The following FBXL17 variants were observed in gnomAD, a reference collection of about 807,000 sequenced individuals.
The protein encoded by FBXL17 is F-box and leucine rich repeat protein 17, also known as F-box/LRR-repeat protein 17.
FBXL17 carries 22 observed loss-of-function variants against 66.2 expected under a neutral mutation model. That is an observed-to-expected ratio of 0.33 (90% confidence interval 0.24 to 0.47). FBXL17 has a LOEUF of 0.47. FBXL17 is among the 20% of genes least tolerant of loss of function. FBXL17 has a pLI of 1.00. For synonymous variants in FBXL17, 474 were observed against 400.5 expected (o/e 1.18, Z -2.19); for missense variants, 878 against 948.2 (o/e 0.93, Z 0.97).
chr5:108,368,130 C>T (rs1748791955), intron 1 of FBXL17, among the ~76,000 whole-genome samples, 177 bp from the exon 2 acceptor site: 2 of 151,752 alleles, frequency 1.3e-5, no homozygotes, highest in South Asian at 4.2e-4. Flanking sequence ...GATACAGGAG[C>T]TAAAAACGGA....
intron 4 of FBXL17, among the ~76,000 whole-genome samples, chr5:108,267,884 T>C (rs1044622236): frequency 6.6e-6 from 1 of 152,096 alleles, no homozygotes; most frequent in African/African-American, 2.4e-5. Context: ...GAAAAACCAA[T>C]GTTCACGCCT....
In FBXL17 at chr5:107,943,206, G is replaced by A. The variant is rs116592092; in HGVS notation, c.1823-62027C>T. 4.1e-3 allele frequency among the ~76,000 whole-genome samples: 626 copies of A among 152,208 alleles called. 5 individuals carry two copies. The highest frequency in any genetic ancestry group is 0.015 in the African/African-American group (603 of 41,538). ...CACTTTGAGTCCCAGACTCTCCTAA[G>A]CTTTAGAGACATAAGTGCAATAAAC... On this transcript the variant is annotated intron_variant, in intron 7 of 8. Transcript: ENST00000542267.
At chr5:108,061,444 C>T (rs917220715) in intron 6 of FBXL17, among the ~76,000 whole-genome samples, 18 of 152,120 alleles carry the variant, frequency 1.2e-4, no homozygotes, top group African/African-American at 3.9e-4. Context: ...AGGCTCATTT[C>T]CAGAACCAGC....
chr5:108,288,207 C>A (rs1328263223), intron 4 of FBXL17, among the ~76,000 whole-genome samples: 1 of 151,534 alleles, frequency 6.6e-6, no homozygotes, highest in Non-Finnish European at 1.5e-5. Flanking sequence ...TACAGCAAAC[C>A]CCCACAACAT....
intron 6 of FBXL17, among the ~76,000 whole-genome samples, chr5:108,174,593 C>A (rs1215607500): frequency 6.6e-6 from 1 of 152,006 alleles, no homozygotes; most frequent in East Asian, 1.9e-4. Context: ...CTAATGTGAA[C>A]CTGGCCTTAA....
At chr5:107,984,924 T>C (rs561989782) in intron 7 of FBXL17, among the ~76,000 whole-genome samples, 7 of 152,306 alleles carry the variant, frequency 4.6e-5, no homozygotes, top group Non-Finnish European at 8.8e-5. Context: ...TGTGTATACT[T>C]TTCTAGAGTG....
chr5:107,868,614 A>G (rs552474416), intron 8 of FBXL17, among the ~76,000 whole-genome samples: 44 of 152,350 alleles, frequency 2.9e-4, no homozygotes, highest in Admixed American at 1.6e-3. Flanking sequence ...CAAGCCAGAT[A>G]TGGTCCCTGC....
chr5:108,248,093 G>T (rs1041664687), intron 4 of FBXL17, among the ~76,000 whole-genome samples: 2 of 152,092 alleles, frequency 1.3e-5, no homozygotes, highest in African/African-American at 4.8e-5. Flanking sequence ...TGCTCCTCTG[G>T]TTCCTAGGAA....
chr5:108,130,168 T>C (rs1750875562), intron 6 of FBXL17, among the ~76,000 whole-genome samples: 1 of 151,654 alleles, frequency 6.6e-6, no homozygotes. Context: ...ATTTTTATCG[T>C]GGGAGAGAAA....
At chr5:107,889,425 T>A (rs908111457) in intron 7 of FBXL17, among the ~76,000 whole-genome samples, 1 of 152,112 alleles carries the variant, frequency 6.6e-6, no homozygotes, top group African/African-American at 2.4e-5. Context: ...AAAACACAAA[T>A]AATAAAAATG....
chr5:108,146,564 T>C (rs1751570516), intron 6 of FBXL17, among the ~76,000 whole-genome samples: 1 of 152,232 alleles, frequency 6.6e-6, no homozygotes, highest in South Asian at 2.1e-4. Context: ...TTGAGTTTTA[T>C]AAACCCTACC....
At chr5:108,095,738 T>G (rs1374595308) in intron 6 of FBXL17, among the ~76,000 whole-genome samples, 1 of 152,110 alleles carries the variant, frequency 6.6e-6, no homozygotes, top group Non-Finnish European at 1.5e-5. Flanking sequence ...TAATAAGAAC[T>G]AATATGATGA....
chr5:107,975,854 G>GT (rs1292069891), intron 7 of FBXL17, among the ~76,000 whole-genome samples: 2 of 58,800 alleles, frequency 3.4e-5, no homozygotes, highest in African/African-American at 1.5e-4. Flanking sequence ...TTTTGTTGTT[G>GT]TTGTTTTTTT....
At chr5:108,205,467 T>C (rs923615651) in intron 5 of FBXL17, among the ~76,000 whole-genome samples, 3 of 152,208 alleles carry the variant, frequency 2.0e-5, no homozygotes, top group African/African-American at 7.2e-5. Flanking sequence ...CAAGGATATA[T>C]ATTTTAATGT....
intron 4 of FBXL17, among the ~76,000 whole-genome samples, chr5:108,228,069 G>A (rs1268245380): frequency 1.3e-5 from 2 of 152,158 alleles, no homozygotes; most frequent in Non-Finnish European, 2.9e-5. Flanking sequence ...GAGAGAAAAA[G>A]TGGGGTTTGA....
chr5:108,116,572 C>T (rs1050313150), intron 6 of FBXL17, among the ~76,000 whole-genome samples: 12 of 151,826 alleles, frequency 7.9e-5, no homozygotes, highest in Admixed American at 1.3e-4. Context: ...CGCTTGAACC[C>T]GGGAGGCAGA....
intron 5 of FBXL17, among the ~76,000 whole-genome samples, chr5:108,208,412 C>T (rs1398256606): frequency 6.6e-6 from 1 of 152,064 alleles, no homozygotes; most frequent in African/African-American, 2.4e-5. Flanking sequence ...ATGGTATTGC[C>T]CAGGTTTTCC....
chr5:108,032,150 T>C (rs1350062899), intron 6 of FBXL17, among the ~76,000 whole-genome samples: 2 of 152,150 alleles, frequency 1.3e-5, no homozygotes, highest in African/African-American at 4.8e-5. Flanking sequence ...TAGTATTTCC[T>C]AAGGTACATT....
At chr5:108,380,389 T>C (rs184132670) in intron 1 of FBXL17, among the ~76,000 whole-genome samples, 1 of 151,840 alleles carries the variant, frequency 6.6e-6, no homozygotes, top group Non-Finnish European at 1.5e-5. Context: ...GATTAAAAAA[T>C]TTTTTTTTCC....
Sources: allele counts gnomAD v4.1 joint callset (sites outside exome capture counted in the v4.1 genomes callset), GRCh38; gene constraint gnomAD v4.1.1; transcripts MANE v1.5; gene names NCBI Gene and HGNC (gene_info 2026-07-23, HGNC 2026-07-21).